Variants in PDE3B observed in about 807,000 individuals in gnomAD.
PDE3B encodes phosphodiesterase 3B.
Under a neutral mutation model 116.8 loss-of-function variants are expected in PDE3B, and 66 were observed. The observed-to-expected ratio is 0.56, with a 90% CI of 0.46 to 0.69. The LOEUF is 0.69. Among genes scored for constraint, PDE3B ranks in the 30% least tolerant of loss-of-function variants. The pLI is 0.00. For missense variants in PDE3B, 1,384 were observed against 1,368.1 expected (o/e 1.01, Z -0.18); for synonymous variants, 595 against 533.6 (o/e 1.12, Z -1.59).
At chr11:14,846,985 C>A (rs910050979) in intron 12 of PDE3B, among the ~76,000 whole-genome samples, 1 of 152,064 alleles carries the variant, frequency 6.6e-6, no homozygotes, top group South Asian at 2.1e-4. Context: ...CTGCACCAAG[C>A]GGACCTAATA....
chr11:14,867,640 T>C lies in PDE3B; in HGVS notation c.3021T>C (p.Gly1007=). ...TGTGTAACTCCTATGATGCTGCTGG[T>C]TTGCTACCAGGTCAGTGGTTAGAAG... ...GPLCNSYDAA[G]LLPGQWLEAE... The change falls in exon 15 of 16, where the codon GGT becomes GGC. Residue 1007 remains glycine, a synonymous_variant. Coordinates refer to ENST00000282096, the MANE Select transcript of PDE3B (RefSeq NM_000922.4). 1 of 1,614,106 alleles carries C rather than the reference T, an allele frequency of 6.2e-7. No homozygotes were observed. The highest frequency in any genetic ancestry group is 8.5e-7 in the Non-Finnish European group (1 of 1,180,020).
At chr11:14,789,085 C>T in intron 3 of PDE3B, 21 bp from the exon 4 acceptor site, 2 of 1,574,566 alleles carry the variant, frequency 1.3e-6, no homozygotes, top group Non-Finnish European at 1.7e-6. Context: ...CATTTTAAAC[C>T]ATTGTTAAAT....
chr11:14,806,167 A>G (rs1476057671), intron 5 of PDE3B, among the ~76,000 whole-genome samples: 1 of 152,150 alleles, frequency 6.6e-6, no homozygotes, highest in Non-Finnish European at 1.5e-5. Context: ...ATTGTAAATC[A>G]TGTGGCTGGG....
intron 1 of PDE3B, among the ~76,000 whole-genome samples, chr11:14,739,076 G>A (rs1189085972): frequency 6.6e-6 from 1 of 152,166 alleles, no homozygotes; most frequent in Non-Finnish European, 1.5e-5. Context: ...GATTGACTTG[G>A]CTATGCAGGC....
chr11:14,662,002 C>T (rs1853937661), intron 1 of PDE3B, among the ~76,000 whole-genome samples: 1 of 152,170 alleles, frequency 6.6e-6, no homozygotes, highest in South Asian at 2.1e-4. Context: ...CAGACTGCCT[C>T]CTCAAGTGGG....
rs1241848780 is a variant in PDE3B at position 14,790,966 on chromosome 11, C to T, written c.1415+1724C>T. On this transcript the variant is annotated intron_variant, in intron 4 of 15. Transcript: ENST00000282096. ...ATGATGGAAATAGTTTATATCTGCA[C>T]TGTCTAATATGGTACTCCCTAGCTA... is the stretch of plus-strand genomic sequence containing the variant. Among the ~76,000 whole-genome samples, 3 of 152,086 alleles carry T rather than the reference C, an allele frequency of 2.0e-5. No individual in the cohort carries two copies. In the South Asian group the frequency reaches 6.2e-4, roughly 32 times the overall value.
At chr11:14,696,320 G>A (rs1232099446) in intron 1 of PDE3B, among the ~76,000 whole-genome samples, 2 of 152,086 alleles carry the variant, frequency 1.3e-5, no homozygotes, top group East Asian at 1.9e-4. Flanking sequence ...TTTGAGAAGT[G>A]TCTGTTCATA....
At chr11:14,869,371 T>G in intron 15 of PDE3B, 90 bp from the exon 16 acceptor site, 1 of 934,090 alleles carries the variant, frequency 1.1e-6, no homozygotes, top group Non-Finnish European at 1.6e-6. Context: ...ATACTCCCAG[T>G]GCTTAGATAC....
intron 1 of PDE3B, among the ~76,000 whole-genome samples, chr11:14,706,562 A>G (rs1220613491): frequency 5.3e-5 from 8 of 151,966 alleles, no homozygotes; most frequent in Admixed American, 1.3e-4. Flanking sequence ...CATCATGGTC[A>G]TATTCAAAGT....
intron 1 of PDE3B, among the ~76,000 whole-genome samples, chr11:14,684,914 G>GA: frequency 6.7e-6 from 1 of 149,802 alleles, no homozygotes; most frequent in Non-Finnish European, 1.5e-5. Flanking sequence ...CTGTTACTCT[G>GA]TTTTTTTTTC....
chr11:14,797,179 G>A (rs185901458), intron 4 of PDE3B, among the ~76,000 whole-genome samples: 1 of 152,280 alleles, frequency 6.6e-6, no homozygotes, highest in Admixed American at 6.5e-5. Context: ...TTGTAGATGT[G>A]TGGTGTTATT....
chr11:14,712,252 A>G lies in PDE3B; in HGVS notation c.979-59685A>G, dbSNP rs566737705. 6.6e-5 allele frequency among the ~76,000 whole-genome samples: 10 copies of G among 151,770 alleles called. No individual in the cohort carries two copies. The South Asian group carries it at 2.1e-3, about 32-fold the overall frequency. On this transcript the variant is annotated intron_variant, in intron 1 of 15. Coordinates refer to ENST00000282096, the MANE Select transcript of PDE3B (RefSeq NM_000922.4). ...AGACGTGTGCCACCACACCTAGCTAATTTTTTATTTTTTGTAGAGACAGGG... is the reference window on the plus strand; with the variant it reads ...AGACGTGTGCCACCACACCTAGCTAGTTTTTTATTTTTTGTAGAGACAGGG...
At position 14,839,371 on chromosome 11, in the gene PDE3B, A is replaced by G. The variant is rs1860153306; in HGVS notation, c.2320+4276A>G. Among the ~76,000 whole-genome samples, 3 of 152,254 alleles carry G rather than the reference A, an allele frequency of 2.0e-5. No individual in the cohort carries two copies. The South Asian group carries it at 6.2e-4, about 31-fold the overall frequency. The stretch of plus-strand genomic sequence containing the variant: ...CCACATTCCTAGATGAGTTGCAGAA[A>G]TCAGTGCTACTAGCAAATACTTAAT... On this transcript the variant is annotated intron_variant, in intron 11 of 15. Transcript: ENST00000282096.
At chr11:14,751,911 A>G (rs910328926) in intron 1 of PDE3B, among the ~76,000 whole-genome samples, 1 of 152,142 alleles carries the variant, frequency 6.6e-6, no homozygotes, top group Admixed American at 6.5e-5. Flanking sequence ...TGAGTGGGAC[A>G]TTGTAGTGCC....
intron 1 of PDE3B, among the ~76,000 whole-genome samples, chr11:14,662,776 C>T (rs549818250): frequency 1.6e-4 from 25 of 151,934 alleles, no homozygotes; most frequent in African/African-American, 3.9e-4. Flanking sequence ...TAACAAGAAA[C>T]GAACAAAGCC....
chr11:14,804,191 G>C (rs774261654), intron 5 of PDE3B, 141 bp downstream of exon 5: 1 of 578,620 alleles, frequency 1.7e-6, no homozygotes, highest in African/African-American at 1.9e-5. Flanking sequence ...AGTTTGGGTT[G>C]GCTACTAATT....
chr11:14,786,689 G>C lies in PDE3B; in HGVS notation c.1278+4G>C. The C allele has an allele frequency of 6.2e-7, 1 of 1,603,110 alleles. No individual in the cohort carries two copies. Among genetic ancestry groups the C allele is most frequent in the Non-Finnish European group, 8.5e-7 (1 of 1,170,432 alleles). ...AGGGGATAGAAAACTTAACAAGGTC[G>C]AAATACAGTAATCATCTAACCCTAT... On this transcript the variant is annotated splice_donor_region_variant and intron_variant, in intron 3 of 15. Coordinates refer to ENST00000282096, the MANE Select transcript of PDE3B (RefSeq NM_000922.4).
intron 1 of PDE3B, 139 bp from the exon 2 acceptor site, chr11:14,771,798 T>C: frequency 2.6e-6 from 1 of 390,166 alleles, no homozygotes; most frequent in East Asian, 3.8e-5. Context: ...GTCGAGATAA[T>C]TTTTATTTTC....
At chr11:14,786,727 A>G (rs1187145289) in intron 3 of PDE3B, 42 bp downstream of exon 3, 1 of 1,494,642 alleles carries the variant, frequency 6.7e-7, no homozygotes. Context: ...ATCAAATTTA[A>G]TGATATTTTC....
Sources: gnomAD v4.1 joint callset for allele counts (sites outside exome capture counted in the v4.1 genomes callset) on GRCh38, gnomAD v4.1.1 for gene constraint, MANE v1.5 for transcripts, NCBI Gene and HGNC (gene_info 2026-07-23, HGNC 2026-07-21) for gene names.